Variants in GRIK1 observed in about 807,000 individuals in gnomAD.
The protein encoded by GRIK1 is glutamate receptor ionotropic, kainate 1.
In GRIK1, 69 loss-of-function variants were observed where a neutral mutation model predicts 105.7. The ratio of observed to expected loss-of-function variants is 0.65; its 90% confidence interval spans 0.54 to 0.80. The LOEUF is 0.80. Among genes scored for constraint, GRIK1 ranks in the 30% least tolerant of loss-of-function variants. The pLI is 0.00. For missense variants in GRIK1, 1,109 were observed against 1,167.3 expected (o/e 0.95, Z 0.73); for synonymous variants, 438 against 431.3 (o/e 1.02, Z -0.19).
At chr21:29,782,912 C>G (rs2066162687) in intron 1 of GRIK1, among the ~76,000 whole-genome samples, 1 of 152,078 alleles carries the variant, frequency 6.6e-6, no homozygotes. Flanking sequence ...CATTTGTATT[C>G]ACTTGATCAT....
chr21:29,809,180 TC>T (rs2066942439), intron 1 of GRIK1, among the ~76,000 whole-genome samples: 2 of 152,180 alleles, frequency 1.3e-5, no homozygotes, highest in African/African-American at 4.8e-5. Context: ...ATGATGCTGC[TC>T]CAGGTTAAGA....
chr21:29,757,090 C>G (rs1157348065), intron 1 of GRIK1, among the ~76,000 whole-genome samples: 1 of 151,854 alleles, frequency 6.6e-6, no homozygotes, highest in African/African-American at 2.4e-5. Context: ...GCACTCCAGC[C>G]TGGGCAACAA....
intron 14 of GRIK1, among the ~76,000 whole-genome samples, chr21:29,570,604 C>A (rs2090720580): frequency 6.6e-6 from 1 of 152,152 alleles, no homozygotes. Flanking sequence ...TGCCGATCGC[C>A]TCATATTCAG....
intron 1 of GRIK1, among the ~76,000 whole-genome samples, chr21:29,707,430 T>G (rs868570288): frequency 1.1e-5 from 1 of 91,076 alleles, no homozygotes; most frequent in African/African-American, 5.0e-5. Flanking sequence ...TTCTTTCCCT[T>G]CCTCCCTCCC....
chr21:29,707,015 C>A (rs2063923590), intron 1 of GRIK1, among the ~76,000 whole-genome samples: 1 of 152,192 alleles, frequency 6.6e-6, no homozygotes, highest in Non-Finnish European at 1.5e-5. Flanking sequence ...CAGGTGCCCG[C>A]CACCGCGCCC....
At chr21:29,747,201 T>C (rs1164975582) in intron 1 of GRIK1, among the ~76,000 whole-genome samples, 1 of 152,190 alleles carries the variant, frequency 6.6e-6, no homozygotes, top group Non-Finnish European at 1.5e-5. Context: ...CTGAATGTAT[T>C]AGAGTACTAA....
chr21:29,697,359 G>C (rs1601477905), intron 1 of GRIK1, among the ~76,000 whole-genome samples: 1 of 152,276 alleles, frequency 6.6e-6, no homozygotes, highest in South Asian at 2.1e-4. Flanking sequence ...TTATTCTTTT[G>C]CTATGTAGTT....
At chr21:29,847,953 A>G (rs2068176996) in intron 1 of GRIK1, among the ~76,000 whole-genome samples, 1 of 151,882 alleles carries the variant, frequency 6.6e-6, no homozygotes, top group Admixed American at 6.6e-5. Flanking sequence ...GCACATGTGT[A>G]TGTGTATACA....
intron 1 of GRIK1, among the ~76,000 whole-genome samples, chr21:29,785,879 C>G (rs995215913): frequency 1.3e-5 from 2 of 152,168 alleles, no homozygotes; most frequent in Non-Finnish European, 2.9e-5. Flanking sequence ...AGGGGACAAG[C>G]CTATATTGCC....
intron 1 of GRIK1, among the ~76,000 whole-genome samples, chr21:29,861,118 A>T (rs2068622299): frequency 6.6e-6 from 1 of 152,194 alleles, no homozygotes; most frequent in South Asian, 2.1e-4. Context: ...TCTGGAAATA[A>T]GAGATAGTTT....
rs184469132 is a variant in GRIK1, at chr21:29,769,298, G to A, written c.119-75235C>T. Among the ~76,000 whole-genome samples the A allele has an allele frequency of 5.1e-3, 782 of 152,250 alleles. 7 individuals carry two copies. Among genetic ancestry groups the A allele is most frequent in the African/African-American group, 0.017 (717 of 41,536 alleles). On this transcript the variant is annotated intron_variant, in intron 1 of 17. Coordinates refer to ENST00000327783, the MANE Select transcript of GRIK1 (RefSeq NM_001330994.2). ...ACAACAGGAGTCTTTATAAAAAGGGGACATTTTGACACAGAGACAGACGCG... is the reference window on the plus strand; with the variant it reads ...ACAACAGGAGTCTTTATAAAAAGGGAACATTTTGACACAGAGACAGACGCG...
At chr21:29,571,507 G>C (rs897904152) in intron 14 of GRIK1, among the ~76,000 whole-genome samples, 17 of 152,274 alleles carry the variant, frequency 1.1e-4, no homozygotes, top group African/African-American at 4.1e-4. Context: ...AAAATGTAGA[G>C]TGTCATGCTG....
chr21:29,540,879 A>C (rs953214880), intron 16 of GRIK1, among the ~76,000 whole-genome samples: 20 of 152,308 alleles, frequency 1.3e-4, no homozygotes, highest in Admixed American at 1.2e-3. Context: ...GGTACTTTGC[A>C]TACTGGAAAG....
At chr21:29,590,426 T>C (rs867083288) in intron 10 of GRIK1, among the ~76,000 whole-genome samples, 1 of 152,102 alleles carries the variant, frequency 6.6e-6, no homozygotes, top group Non-Finnish European at 1.5e-5. Context: ...AGCTGTACAG[T>C]GGCTGGATGG....
In GRIK1 at chr21:29,693,932, T is replaced by C. The variant is rs2063636492; in HGVS notation, c.250A>G (p.Ile84Val). Residue 84 changes from isoleucine to valine, a missense_variant, in exon 2 of 18, where the codon ATT (isoleucine) becomes GTT (valine). Coordinates refer to ENST00000327783, the MANE Select transcript of GRIK1 (RefSeq NM_001330994.2). ...NTTLTYDIQR[I>V]NLFDSFEASR... is the part of the protein sequence containing the mutation. ...GCTTCAAAACTATCAAAAAGGTTAA[T>C]TCTCTGGATGTCATAGGTTAATGTG... The C allele has an allele frequency of 6.2e-7, 1 of 1,613,616 alleles. No homozygotes were observed. The highest frequency in any genetic ancestry group is 2.2e-5 in the East Asian group (1 of 44,870).
chr21:29,624,854 C>T lies in GRIK1; in HGVS notation c.1098+17972G>A, dbSNP rs544977818. Among the ~76,000 whole-genome samples the T allele has an allele frequency of 1.3e-4, 20 of 151,754 alleles. No individual in the cohort carries two copies. The East Asian group carries it at 3.9e-3, about 29-fold the overall frequency. On this transcript the variant is annotated intron_variant, in intron 7 of 17. Coordinates refer to ENST00000327783, the MANE Select transcript of GRIK1 (RefSeq NM_001330994.2). ...GAGGTTAGTGGAGAGGGCTTGCCCT[C>T]CTTCTCTGCAAGACCCATCCACTCT...
In GRIK1 at chr21:29,591,211, A is replaced by G; in HGVS notation, c.1266T>C (p.Asn422=). 6.3e-7 allele frequency: 1 copy of G among 1,598,144 alleles called. No homozygotes were observed. Among genetic ancestry groups the G allele is most frequent in the East Asian group, 2.2e-5 (1 of 44,720 alleles). The change falls in exon 10 of 18, where the codon AAT becomes AAC. Residue 422 remains asparagine, a synonymous_variant. Coordinates refer to ENST00000327783, the MANE Select transcript of GRIK1 (RefSeq NM_001330994.2). ...YKVWKKIGIW[N]SNSGLNMTDS... is the part of the protein sequence containing the mutation. ...CCGTCATGTTAAGCCCACTGTTGGA[A>G]TTCCAAATCCCAATCTACACAGAAC...
chr21:29,866,315 C>T (rs1382787439), intron 1 of GRIK1, among the ~76,000 whole-genome samples: 3 of 152,118 alleles, frequency 2.0e-5, no homozygotes, highest in Non-Finnish European at 4.4e-5. Context: ...CTGCACCTGC[C>T]TCAGCCTCCC....
intron 7 of GRIK1, among the ~76,000 whole-genome samples, chr21:29,638,721 G>A (rs2062448651): frequency 6.6e-6 from 1 of 152,110 alleles, no homozygotes; most frequent in African/African-American, 2.4e-5. Context: ...TTCAAGAAAA[G>A]GTGTTAATCT....
Sources: gnomAD v4.1 joint callset for allele counts (sites outside exome capture counted in the v4.1 genomes callset) on GRCh38, gnomAD v4.1.1 for gene constraint, MANE v1.5 for transcripts, NCBI Gene and HGNC (gene_info 2026-07-23, HGNC 2026-07-21) for gene names.